The following PMS2 variants were observed in gnomAD, a reference collection of about 807,000 sequenced individuals.
PMS2 encodes the protein mismatch repair endonuclease PMS2.
In PMS2, 69 loss-of-function variants were observed where a neutral mutation model predicts 90.0. The ratio of observed to expected loss-of-function variants is 0.77; its 90% CI spans 0.63 to 0.94. The LOEUF is 0.94. Ranked by LOEUF, PMS2 falls within the 40% of genes least tolerant of loss-of-function variation. The pLI is 0.00. For synonymous variants in PMS2, 332 were observed against 375.1 expected, an observed-to-expected ratio of 0.89 and a Z score of 1.33; for missense variants, 966 against 1,040.2, an observed-to-expected ratio of 0.93 and a Z score of 0.98.
chr7:6,002,189 C>A, intron 5 of PMS2: 1 of 377,512 alleles, frequency 2.6e-6, no homozygotes, highest in Non-Finnish European at 5.0e-6. Flanking sequence ...GTCACCATGC[C>A]CAGTAAATTT....
At chr7:5,988,710 C>A (rs528742444) in intron 10 of PMS2, among the ~76,000 whole-genome samples, 3 of 152,254 alleles carry the variant, frequency 2.0e-5, no homozygotes, top group Non-Finnish European at 2.9e-5. Context: ...CACTGTATAG[C>A]GAACGAATAA....
In PMS2 at chr7:6,002,470, G is replaced by A. The variant is rs1221485925; in HGVS notation, c.520C>T (p.Gln174Ter). Residue 174 changes from glutamine to a stop codon, truncating the protein, a stop_gained, in exon 5 of 15, where the codon CAA (glutamine) becomes TAA (stop). Transcript: ENST00000265849. LOFTEE classifies it high-confidence loss of function. ...TACTGTACCTTCTTAATATTCCTTT[G>A]AAATTCCTTATGGCGCACAGGTAGT... ...STLPVRHKEF[Q>*]RNIKKEYAKM... The A allele has an allele frequency of 6.2e-7, 1 of 1,610,032 alleles. No homozygotes were observed. Among genetic ancestry groups the A allele is most frequent in the South Asian group, 1.1e-5 (1 of 90,948 alleles).
In PMS2 at chr7:5,999,312, T is replaced by A. The variant is rs192410449; in HGVS notation, c.538-37A>T. 7.6e-6 allele frequency: 12 copies of A among 1,568,922 alleles called. No individual in the cohort carries two copies. In the East Asian group the frequency reaches 2.7e-4, roughly 35 times the overall value. ...ACACAAACACAATATTCTACATTAC[T>A]TTAATATTATAGGAATTACACAGCT... On this transcript the variant is annotated intron_variant, in intron 5 of 14. Coordinates refer to ENST00000265849, the MANE Select transcript of PMS2 (RefSeq NM_000535.7).
chr7:5,996,090 G>A (rs1583367150), intron 7 of PMS2, among the ~76,000 whole-genome samples: 3 of 152,078 alleles, frequency 2.0e-5, no homozygotes, highest in Non-Finnish European at 4.4e-5. Context: ...TTGGTAAAGC[G>A]CTTGCTTCAC....
chr7:5,977,010 G>A (rs559354503), intron 14 of PMS2, among the ~76,000 whole-genome samples: 18 of 117,948 alleles, frequency 1.5e-4, no homozygotes, highest in Non-Finnish European at 1.9e-4. Flanking sequence ...CAGCCTGGGG[G>A]ACAGAGGGAG....
rs560472831 is a variant in PMS2 at position 5,998,727 on chromosome 7, C to T, written c.705+381G>A. ...AAAAAACCGGCCGGGCTTGGTGGCT[C>T]ACACCTGTAATCCCAGCACTTTGGG... On this transcript the variant is annotated intron_variant, in intron 6 of 14. Coordinates refer to ENST00000265849, the MANE Select transcript of PMS2 (RefSeq NM_000535.7). Among the ~76,000 whole-genome samples the T allele has an allele frequency of 3.6e-3, 535 of 149,654 alleles. 1 individual carries two copies. Among genetic ancestry groups the T allele is most frequent in the African/African-American group, 0.012 (487 of 40,544 alleles).
chr7:6,008,943 G>T, intron 1 of PMS2, 54 bp downstream of exon 1: 7 of 1,605,492 alleles, frequency 4.4e-6, no homozygotes, highest in Non-Finnish European at 6.0e-6. Flanking sequence ...AATGCCGTGG[G>T]TCTCAAAGAG....
chr7:5,985,228 C>T (rs7776722), intron 11 of PMS2, among the ~76,000 whole-genome samples: 3,389 of 151,420 alleles, frequency 0.022, 134 homozygotes, highest in African/African-American at 0.078. Context: ...CCCCTGAGTA[C>T]CTGGGACTAC....
intron 4 of PMS2, chr7:6,003,317 A>C (rs1260063953): frequency 1.3e-5 from 2 of 148,780 alleles, no homozygotes; most frequent in Non-Finnish European, 2.9e-5. Context: ...ATATATATAT[A>C]TATATATAAT....
chr7:5,998,156 A>G (rs1784644669), intron 6 of PMS2, among the ~76,000 whole-genome samples: 2 of 147,016 alleles, frequency 1.4e-5, no homozygotes, highest in African/African-American at 2.5e-5. Flanking sequence ...ATCTCAGCTC[A>G]CTGCAACCTC....
rs531231102 is a variant in PMS2, at chr7:6,006,150, A to G, written c.24-119T>C. The G allele has an allele frequency of 1.5e-5, 17 of 1,129,028 alleles. No homozygotes were observed. In the South Asian group the frequency reaches 2.0e-4, roughly 13 times the overall value. 69.9% of individuals were successfully genotyped at this position (1,129,028 alleles called of 1,614,324 possible). ...ATTTATGGGTCTAATCTATTCATTT[A>G]TTATATTAGCAAATACATTTATTAT... On this transcript the variant is annotated intron_variant, in intron 1 of 14. Coordinates refer to ENST00000265849, the MANE Select transcript of PMS2 (RefSeq NM_000535.7).
At chr7:5,993,085 CAG>C (rs990914725) in intron 8 of PMS2, among the ~76,000 whole-genome samples, 5 of 152,072 alleles carry the variant, frequency 3.3e-5, no homozygotes, top group African/African-American at 7.2e-5. Context: ...CATTGAAAAA[CAG>C]GGGCTGGGAG....
At chr7:5,976,995 C>T (rs1781733122) in intron 14 of PMS2, among the ~76,000 whole-genome samples, 2 of 119,796 alleles carry the variant, frequency 1.7e-5, no homozygotes, top group South Asian at 2.6e-4. Flanking sequence ...TGTGCCACTG[C>T]ACTCCAGCCT....
At chr7:5,997,246 C>A in intron 7 of PMS2, 80 bp downstream of exon 7, 1 of 753,500 alleles carries the variant, frequency 1.3e-6, no homozygotes, top group Non-Finnish European at 2.3e-6. Flanking sequence ...AAACTATTAG[C>A]CTTAGAATCA....
chr7:5,989,163 T>C (rs1783437697), intron 10 of PMS2, among the ~76,000 whole-genome samples: 2 of 152,108 alleles, frequency 1.3e-5, no homozygotes, highest in Non-Finnish European at 2.9e-5. Context: ...ATTCTACTGT[T>C]AGAAGTCAGG....
At chr7:5,982,708 T>C (rs1322910147) in intron 12 of PMS2, 116 bp downstream of exon 12, 2 of 1,439,426 alleles carry the variant, frequency 1.4e-6, no homozygotes, top group Non-Finnish European at 1.9e-6. Context: ...TACAAGGTCT[T>C]GCTGTGTTGT....
chr7:5,993,533 T>C (rs111228401), intron 8 of PMS2, among the ~76,000 whole-genome samples: 1 of 150,548 alleles, frequency 6.6e-6, no homozygotes, highest in Non-Finnish European at 1.5e-5. Flanking sequence ...CCTAGGAAAA[T>C]AGAAAGAAGA....
intron 9 of PMS2, among the ~76,000 whole-genome samples, chr7:5,990,771 TG>T (rs1381540398): frequency 6.6e-6 from 1 of 152,148 alleles, no homozygotes; most frequent in Non-Finnish European, 1.5e-5. Flanking sequence ...CCCAGCACTT[TG>T]GGAGGCTGAG....
At position 5,983,001 on chromosome 7, in the gene PMS2, G is replaced by A. The variant is rs878854042; in HGVS notation, c.2007-10C>T. ...TGCAAACATCGTTTTACTGCAGGTA[G>A]AAAATGTTAATTATCAGACATTTTA... On this transcript the variant is annotated splice_polypyrimidine_tract_variant and intron_variant, in intron 11 of 14. Transcript: ENST00000265849. 1.4e-6 allele frequency: 2 copies of A among 1,401,986 alleles called. No individual in the cohort carries two copies. The highest frequency in any genetic ancestry group is 2.0e-6 in the Non-Finnish European group (2 of 1,013,854). 86.8% of individuals were successfully genotyped at this position (1,401,986 alleles called of 1,614,324 possible).
Sources: allele counts gnomAD v4.1 joint callset (sites outside exome capture counted in the v4.1 genomes callset), GRCh38; gene constraint gnomAD v4.1.1; transcripts MANE v1.5; gene names NCBI Gene and HGNC (gene_info 2026-07-23, HGNC 2026-07-21).